Variants in RGS6 observed in about 807,000 individuals in gnomAD.
The protein encoded by RGS6 is regulator of G protein signaling 6.
RGS6 carries 30 observed loss-of-function variants against 78.5 expected under a neutral mutation model. The observed-to-expected ratio is 0.38, with a 90% CI of 0.29 to 0.52. The LOEUF (loss-of-function observed/expected upper bound fraction) is 0.52, where lower values mean the gene tolerates loss of function less well. Among genes scored for constraint, RGS6 ranks in the 20% least tolerant of loss-of-function variants. RGS6 has a pLI of 0.85. For missense variants in RGS6, 495 were observed against 609.7 expected (o/e 0.81, Z 1.98); for synonymous variants, 206 against 206.0 (o/e 1.00, Z 0.00).
chr14:72,473,170 A>G (rs559392293), intron 9 of RGS6, among the ~76,000 whole-genome samples: 14 of 152,310 alleles, frequency 9.2e-5, no homozygotes, highest in East Asian at 1.9e-4. Flanking sequence ...TCGGCCGGGC[A>G]TGGCGGCTCA....
Position 72,100,355 on chromosome 14 carries a change from C to T in RGS6, c.84+135480C>T, listed in dbSNP as rs562363089. On this transcript the variant is annotated intron_variant, in intron 2 of 17. Transcript: ENST00000553525. ...CCTCCTCTCTCCTAAATTAGCTAGG[C>T]GTGGTGGTGCACACCTGTAATCCCA... 1.1e-4 allele frequency among the ~76,000 whole-genome samples: 17 copies of T among 152,042 alleles called. No homozygotes were observed. The East Asian group carries it at 1.4e-3, about 12-fold the overall frequency.
chr14:72,228,492 A>G (rs1190923696), intron 2 of RGS6, among the ~76,000 whole-genome samples: 1 of 152,236 alleles, frequency 6.6e-6, no homozygotes, highest in Non-Finnish European at 1.5e-5. Flanking sequence ...TAATCAAGGA[A>G]TGCCATTAGA....
At chr14:72,291,989 G>C (rs762856345) in intron 2 of RGS6, among the ~76,000 whole-genome samples, 8 of 152,074 alleles carry the variant, frequency 5.3e-5, no homozygotes, top group Non-Finnish European at 1.0e-4. Flanking sequence ...ATGCCAATAC[G>C]TGTTTAAAAA....
chr14:72,489,604 A>G lies in RGS6; in HGVS notation c.855-5548A>G, dbSNP rs139690971. 2.3e-3 allele frequency among the ~76,000 whole-genome samples: 350 copies of G among 152,346 alleles called. 3 individuals carry two copies. Among genetic ancestry groups the G allele is most frequent in the Non-Finnish European group, 3.3e-3 (225 of 68,030 alleles). On this transcript the variant is annotated intron_variant, in intron 12 of 17. Transcript: ENST00000553525. The stretch of plus-strand genomic sequence containing the variant: ...CCTCATAAGACAAAAAAGAGAGCGG[A>G]TGACACAGGCACAGAAGAAAGCCAT...
At chr14:71,940,880 A>G (rs1464893204) in intron 1 of RGS6, among the ~76,000 whole-genome samples, 1 of 152,054 alleles carries the variant, frequency 6.6e-6, no homozygotes, top group Non-Finnish European at 1.5e-5. Flanking sequence ...CCACTCCACC[A>G]CCCCAATCTC....
the RGS6 span, among the ~76,000 whole-genome samples, chr14:72,596,775 C>A: frequency 6.6e-6 from 1 of 152,026 alleles, no homozygotes; most frequent in East Asian, 1.9e-4. Flanking sequence ...CATGAGAGTC[C>A]TGTTAAACAG....
At chr14:72,411,558 T>C (rs1053256728) in intron 3 of RGS6, among the ~76,000 whole-genome samples, 2 of 152,166 alleles carry the variant, frequency 1.3e-5, no homozygotes, top group African/African-American at 2.4e-5. Context: ...TACCCTTTAT[T>C]TCCTTCTCCT....
At chr14:71,962,438 G>A (rs1233810420) in intron 1 of RGS6, among the ~76,000 whole-genome samples, 2 of 152,122 alleles carry the variant, frequency 1.3e-5, no homozygotes, top group Non-Finnish European at 2.9e-5. Context: ...AACTTAAAAC[G>A]TCTCTATTAC....
chr14:72,389,463 G>A (rs928081239), intron 3 of RGS6, among the ~76,000 whole-genome samples: 3 of 152,166 alleles, frequency 2.0e-5, no homozygotes, highest in Non-Finnish European at 4.4e-5. Context: ...GGTGAGAAGC[G>A]TGGTGGAGGA....
intron 2 of RGS6, among the ~76,000 whole-genome samples, chr14:72,211,906 AAT>A (rs1408355031): frequency 6.6e-6 from 1 of 152,226 alleles, no homozygotes; most frequent in Non-Finnish European, 1.5e-5. Context: ...GTGCAATTAA[AAT>A]TAGAAACTAG....
At chr14:72,614,487 G>A in the RGS6 span, among the ~76,000 whole-genome samples, 1 of 152,164 alleles carries the variant, frequency 6.6e-6, no homozygotes, top group Non-Finnish European at 1.5e-5. Flanking sequence ...AGCTACTGGT[G>A]TCCTGGGCTT....
intron 2 of RGS6, among the ~76,000 whole-genome samples, chr14:72,336,842 G>A (rs917859373): frequency 5.9e-5 from 9 of 152,162 alleles, no homozygotes; most frequent in Middle Eastern, 6.8e-3. Flanking sequence ...TCTCTCTCTG[G>A]CCTGTAGATG....
At chr14:72,509,779 A>T (rs1218435675) in intron 13 of RGS6, among the ~76,000 whole-genome samples, 10 of 152,138 alleles carry the variant, frequency 6.6e-5, no homozygotes, top group Admixed American at 1.3e-4. Flanking sequence ...GTGTGTTTTG[A>T]TGAAAGATTG....
At chr14:72,254,670 C>T (rs2056668630) in intron 2 of RGS6, among the ~76,000 whole-genome samples, 1 of 152,150 alleles carries the variant, frequency 6.6e-6, no homozygotes, top group South Asian at 2.1e-4. Context: ...TCTTTTCTCC[C>T]TTCTTTATGC....
At chr14:72,453,933 G>A (rs530175624) in intron 3 of RGS6, among the ~76,000 whole-genome samples, 8 of 152,278 alleles carry the variant, frequency 5.3e-5, no homozygotes, top group Non-Finnish European at 7.4e-5. Flanking sequence ...GTCTGGAAGT[G>A]GCATATGCCA....
the RGS6 span, among the ~76,000 whole-genome samples, chr14:71,914,555 C>T: frequency 7.7e-3 from 1,172 of 152,140 alleles, 16 homozygotes; most frequent in African/African-American, 0.027. Flanking sequence ...CATTCGGGTC[C>T]CTCCTTGCTG....
intron 2 of RGS6, among the ~76,000 whole-genome samples, chr14:72,031,027 G>A (rs2090792738): frequency 6.6e-6 from 1 of 150,830 alleles, no homozygotes; most frequent in Non-Finnish European, 1.5e-5. Flanking sequence ...TAATAACACA[G>A]GATGCAAGAC....
intron 15 of RGS6, among the ~76,000 whole-genome samples, chr14:72,531,773 C>T (rs755880365): frequency 9.9e-5 from 15 of 152,138 alleles, no homozygotes; most frequent in Non-Finnish European, 1.8e-4. Context: ...TTAACATATG[C>T]GTGGTCTCAT....
chr14:72,422,919 T>C (rs185572444), intron 3 of RGS6, among the ~76,000 whole-genome samples: 272 of 152,336 alleles, frequency 1.8e-3, no homozygotes, highest in African/African-American at 6.3e-3. Flanking sequence ...GCGGACTCGC[T>C]TGCAGAGCCT....
Sources: gnomAD v4.1 joint callset for allele counts (sites outside exome capture counted in the v4.1 genomes callset) on GRCh38, gnomAD v4.1.1 for gene constraint, MANE v1.5 for transcripts, NCBI Gene and HGNC (gene_info 2026-07-23, HGNC 2026-07-21) for gene names.